Variants in AAK1 observed in about 807,000 individuals in gnomAD.
AAK1 encodes AP2-associated protein kinase 1.
AAK1 carries 37 observed loss-of-function variants against 116.0 expected under a neutral mutation model. That is an observed-to-expected ratio of 0.32 (90% CI 0.25 to 0.42). AAK1 has a LOEUF of 0.42. Ranked by LOEUF, AAK1 falls within the 10% of genes least tolerant of loss-of-function variation. The pLI is 1.00. For missense variants in AAK1, 919 were observed against 1,170.6 expected, an observed-to-expected ratio of 0.79 and a Z score of 3.14; for synonymous variants, 458 against 439.9, an observed-to-expected ratio of 1.04 and a Z score of -0.51.
intron 3 of AAK1, among the ~76,000 whole-genome samples, chr2:69,550,407 C>A (rs923276185): frequency 6.6e-6 from 1 of 152,038 alleles, no homozygotes; most frequent in African/African-American, 2.4e-5. Flanking sequence ...CAGCCTCAAG[C>A]GATTCTCCTG....
intron 2 of AAK1, among the ~76,000 whole-genome samples, chr2:69,585,168 T>G (rs1672710837): frequency 6.6e-6 from 1 of 152,238 alleles, no homozygotes; most frequent in African/African-American, 2.4e-5. Flanking sequence ...AAGAGACTAT[T>G]CTATGAAAAG....
At chr2:69,558,892 T>C (rs558121838) in intron 2 of AAK1, among the ~76,000 whole-genome samples, 1 of 152,350 alleles carries the variant, frequency 6.6e-6, no homozygotes, top group African/African-American at 2.4e-5. Flanking sequence ...TTGATGCCCA[T>C]GGCATTTCCT....
chr2:69,506,762 C>T (rs997716801), intron 15 of AAK1, among the ~76,000 whole-genome samples: 4 of 152,108 alleles, frequency 2.6e-5, no homozygotes, highest in South Asian at 2.1e-4. Context: ...CTTTATCCTG[C>T]GCCCTTATCT....
At chr2:69,536,488 A>G (rs1019540749) in intron 5 of AAK1, among the ~76,000 whole-genome samples, 5 of 152,164 alleles carry the variant, frequency 3.3e-5, no homozygotes, top group Non-Finnish European at 7.3e-5. Context: ...AGAAGGTAGA[A>G]ACCCAACTAG....
At chr2:69,633,143 C>T (rs1203926990) in intron 2 of AAK1, among the ~76,000 whole-genome samples, 2 of 148,202 alleles carry the variant, frequency 1.3e-5, no homozygotes, top group African/African-American at 2.5e-5. Context: ...GGCATGAACC[C>T]GGGAGGTGGA....
At position 69,463,098 on chromosome 2, in the gene AAK1, C is replaced by T. The variant is rs1338716264; in HGVS notation, c.*12771G>A. Reference sequence around the variant, plus strand: ...ATTTTTTACTGCCAATATTCCTGAACTTTAAAGAATATCACACCTAATCAA... The same window carrying T: ...ATTTTTTACTGCCAATATTCCTGAATTTTAAAGAATATCACACCTAATCAA... On this transcript the variant is annotated 3_prime_UTR_variant, in exon 22 of 22. Coordinates refer to ENST00000409085, the MANE Select transcript of AAK1 (RefSeq NM_014911.5). 2 of 152,184 alleles carry T rather than the reference C, an allele frequency of 1.3e-5. No homozygotes were observed. Among genetic ancestry groups the T allele is most frequent in the African/African-American group, 2.4e-5 (1 of 41,448 alleles). 9.4% of individuals were successfully genotyped at this position (152,184 alleles called of 1,614,324 possible).
intron 2 of AAK1, among the ~76,000 whole-genome samples, chr2:69,604,786 A>ACCCGGGT (rs757851064): frequency 6.6e-6 from 1 of 152,106 alleles, no homozygotes; most frequent in Non-Finnish European, 1.5e-5. Flanking sequence ...GCCACACCCC[A>ACCCGGGT]ACTGCACCCC....
At chr2:69,507,143 C>T (rs1336286837) in intron 15 of AAK1, among the ~76,000 whole-genome samples, 2 of 152,194 alleles carry the variant, frequency 1.3e-5, no homozygotes, top group African/African-American at 4.8e-5. Context: ...TGGACTATGT[C>T]ACAAACCTTT....
intron 9 of AAK1, among the ~76,000 whole-genome samples, chr2:69,526,026 T>C (rs1670008527): frequency 6.6e-6 from 1 of 152,200 alleles, no homozygotes; most frequent in Non-Finnish European, 1.5e-5. Flanking sequence ...GATTTTCTGC[T>C]AGAAAACTTC....
intron 2 of AAK1, among the ~76,000 whole-genome samples, chr2:69,603,941 T>C (rs1295204464): frequency 6.6e-6 from 1 of 152,110 alleles, no homozygotes; most frequent in Non-Finnish European, 1.5e-5. Context: ...GGCTGAAAAA[T>C]GAGGTATTTT....
intron 14 of AAK1, among the ~76,000 whole-genome samples, chr2:69,508,580 C>A (rs999158828): frequency 1.3e-5 from 2 of 152,174 alleles, no homozygotes; most frequent in Non-Finnish European, 2.9e-5. Context: ...ACTCACAAAC[C>A]AGTTCGGTCA....
rs903332493 is a variant in AAK1, at chr2:69,581,479, T to C, written c.164-24501A>G. On this transcript the variant is annotated intron_variant, in intron 2 of 21. Coordinates refer to ENST00000409085, the MANE Select transcript of AAK1 (RefSeq NM_014911.5). Reference sequence around the variant, plus strand: ...ATTTTTTTCTGCAATAATATAAGGATGACTAGTGAAAAGTATTCTCTAAAT... The same window carrying C: ...ATTTTTTTCTGCAATAATATAAGGACGACTAGTGAAAAGTATTCTCTAAAT... Among the ~76,000 whole-genome samples, 4 of 152,092 alleles carry C rather than the reference T, an allele frequency of 2.6e-5. No homozygotes were observed. In the South Asian group the frequency reaches 8.3e-4, roughly 31 times the overall value.
At chr2:69,521,757 A>G (rs1169700902) in intron 10 of AAK1, among the ~76,000 whole-genome samples, 1 of 152,198 alleles carries the variant, frequency 6.6e-6, no homozygotes, top group Admixed American at 6.5e-5. Flanking sequence ...ATAAGAAATA[A>G]CTGGTTCAAG....
At chr2:69,544,790 T>A (rs1670858037) in intron 3 of AAK1, among the ~76,000 whole-genome samples, 2 of 152,186 alleles carry the variant, frequency 1.3e-5, no homozygotes, top group Admixed American at 1.3e-4. Flanking sequence ...TAGAGTCAAA[T>A]GCACAGAGTG....
At chr2:69,526,099 T>C (rs777931093) in intron 9 of AAK1, among the ~76,000 whole-genome samples, 63 of 152,300 alleles carry the variant, frequency 4.1e-4, no homozygotes, top group African/African-American at 1.1e-3. Flanking sequence ...CTGTGACTGT[T>C]AAGACTGTAG....
rs143501020 is a variant in AAK1 at position 69,465,118 on chromosome 2, G to C, written c.*10751C>G. On this transcript the variant is annotated 3_prime_UTR_variant, in exon 22 of 22. Coordinates refer to ENST00000409085, the MANE Select transcript of AAK1 (RefSeq NM_014911.5). The stretch of plus-strand genomic sequence containing the variant: ...TTCAGGATTTAAACAGTTTCTGTGG[G>C]TGGGGCGGGGGGAAAGCAGAGTTCT... 4.3e-3 allele frequency: 911 copies of C among 213,708 alleles called. 11 individuals carry two copies. Among genetic ancestry groups the C allele is most frequent in the Admixed American group, 0.012 (231 of 18,800 alleles). The allele number at this position is 213,708 out of a possible 1,614,324, so 13.2% of individuals were successfully genotyped here.
At chr2:69,523,374 G>A (rs993053564) in intron 10 of AAK1, among the ~76,000 whole-genome samples, 2 of 152,164 alleles carry the variant, frequency 1.3e-5, no homozygotes, top group African/African-American at 2.4e-5. Flanking sequence ...AGTTTGCTAC[G>A]TTTATTAAAA....
rs1368385914 is a variant in AAK1, at chr2:69,643,089, T to TTA, written c.-50_-49insTA. 2 of 1,357,232 alleles carry TTA rather than the reference T, an allele frequency of 1.5e-6. No homozygotes were observed. The highest frequency in any genetic ancestry group is 1.9e-6 in the Non-Finnish European group (2 of 1,030,868). The allele number at this position is 1,357,232 out of a possible 1,614,324, so 84.1% of individuals were successfully genotyped here. A position where few individuals can be genotyped will look rare whatever the true frequency, so the allele number is the denominator to read the frequency against. ...CAAAATACCGATGGTTTCTAGATTT[T>TTA]TTTTTTTTTTTTTTTTTTTTAAGAA... is the stretch of plus-strand genomic sequence containing the variant. On this transcript the variant is annotated 5_prime_UTR_variant, in exon 2 of 22. Transcript: ENST00000409085.
rs185658557 is a variant in AAK1, at chr2:69,487,407, G to A, written c.2366-4595C>T. ...GGGGCATGGAGAAGAACAGCACAGA[G>A]AAGAGAGTGGTGAATGTAGGAAACT... On this transcript the variant is annotated intron_variant, in intron 17 of 21. Transcript: ENST00000409085. 2.0e-5 allele frequency among the ~76,000 whole-genome samples: 3 copies of A among 152,326 alleles called. No homozygotes were observed. The East Asian group carries it at 5.8e-4, about 29-fold the overall frequency.
Sources: gnomAD v4.1 joint callset for allele counts (sites outside exome capture counted in the v4.1 genomes callset) on GRCh38, gnomAD v4.1.1 for gene constraint, MANE v1.5 for transcripts, NCBI Gene and HGNC (gene_info 2026-07-23, HGNC 2026-07-21) for gene names.